The following UGT8 variants were observed in gnomAD, a reference collection of about 807,000 sequenced individuals.
UGT8 encodes 2-hydroxyacylsphingosine 1-beta-galactosyltransferase.
A neutral mutation model predicts 40.5 loss-of-function variants in UGT8; 12 were observed. The ratio of observed to expected loss-of-function variants is 0.30; its 90% confidence interval spans 0.19 to 0.48. UGT8 has a LOEUF of 0.48. Among genes scored for constraint, UGT8 ranks in the 20% least tolerant of loss-of-function variants. The pLI, the probability that UGT8 is intolerant of heterozygous loss-of-function variation, is 0.99. For missense variants in UGT8, 513 were observed against 648.7 expected (o/e 0.79, Z 2.27); for synonymous variants, 224 against 240.4 (o/e 0.93, Z 0.63).
chr4:114,654,373 T>C (rs1303488938), intron 2 of UGT8, among the ~76,000 whole-genome samples: 2 of 151,990 alleles, frequency 1.3e-5, no homozygotes, highest in Non-Finnish European at 2.9e-5. Flanking sequence ...AGAAACCAAA[T>C]GAAGATGCAT....
At chr4:114,635,238 C>G (rs1732817975) in intron 2 of UGT8, among the ~76,000 whole-genome samples, 1 of 151,932 alleles carries the variant, frequency 6.6e-6, no homozygotes, top group African/African-American at 2.4e-5. Context: ...GTAATACCAG[C>G]TACTGAGGAG....
At chr4:114,649,134 T>A (rs1733748773) in intron 2 of UGT8, among the ~76,000 whole-genome samples, 1 of 152,206 alleles carries the variant, frequency 6.6e-6, no homozygotes, top group African/African-American at 2.4e-5. Context: ...TTCTGATCCC[T>A]AGGGTACTAG....
intron 2 of UGT8, among the ~76,000 whole-genome samples, chr4:114,629,034 C>T (rs924159940): frequency 1.3e-5 from 2 of 151,986 alleles, no homozygotes; most frequent in South Asian, 2.1e-4. Context: ...GCTGGTTTCA[C>T]CATTAATGAA....
chr4:114,649,786 TCTAC>T (rs1733792489), intron 2 of UGT8, among the ~76,000 whole-genome samples: 1 of 152,118 alleles, frequency 6.6e-6, no homozygotes, highest in Non-Finnish European at 1.5e-5. Context: ...TCCACAATGA[TCTAC>T]CTATGTTTGT....
chr4:114,660,418 G>T (rs935125589), intron 2 of UGT8, among the ~76,000 whole-genome samples: 1 of 152,068 alleles, frequency 6.6e-6, no homozygotes, highest in African/African-American at 2.4e-5. Flanking sequence ...TTCTTTTCAT[G>T]TTTATGCCAT....
chr4:114,628,144 A>C (rs1040751798), intron 2 of UGT8, among the ~76,000 whole-genome samples: 2 of 150,930 alleles, frequency 1.3e-5, no homozygotes, highest in African/African-American at 2.4e-5. Context: ...TTTTTTTTTT[A>C]ATTTTTATTT....
chr4:114,618,855 C>G (rs1731596547), intron 1 of UGT8, among the ~76,000 whole-genome samples: 1 of 152,050 alleles, frequency 6.6e-6, no homozygotes, highest in African/African-American at 2.4e-5. Flanking sequence ...ATTTTTAACA[C>G]TATTGAATAA....
At chr4:114,672,456 G>A (rs1171742574) in intron 5 of UGT8, among the ~76,000 whole-genome samples, 4 of 152,070 alleles carry the variant, frequency 2.6e-5, no homozygotes, top group Non-Finnish European at 5.9e-5. Context: ...AATAAAATGT[G>A]GTATATATAC....
rs1218854508 is a variant in UGT8, at chr4:114,677,676, C to G, written c.*1388C>G. ...AACTATGAATTTATTCCATGTCATTCTGTTTACTTAGCACTTGCACTACCC... is the reference window on the plus strand; with the variant it reads ...AACTATGAATTTATTCCATGTCATTGTGTTTACTTAGCACTTGCACTACCC... On this transcript the variant is annotated 3_prime_UTR_variant, in exon 6 of 6. Transcript: ENST00000310836. 10 of 152,176 alleles carry G rather than the reference C, an allele frequency of 6.6e-5. No individual in the cohort carries two copies. The highest frequency in any genetic ancestry group is 2.4e-4 in the African/African-American group (10 of 41,436). The allele number at this position is 152,176 out of a possible 1,614,324, so 9.4% of individuals were successfully genotyped here.
intron 5 of UGT8, among the ~76,000 whole-genome samples, chr4:114,673,351 C>T (rs1467739268): frequency 6.6e-6 from 1 of 152,148 alleles, no homozygotes; most frequent in Non-Finnish European, 1.5e-5. Flanking sequence ...TCCAGTTGAT[C>T]CATGGACCTC....
In UGT8 at chr4:114,658,706, TA is replaced by T. The variant is rs34900611; in HGVS notation, c.823-5280del. The stretch of plus-strand genomic sequence containing the variant: ...TGTGTTTTACATTGGCCACAATGAA[TA>T]AAAAAAAATTGTTTATTTTCGGATA... On this transcript the variant is annotated intron_variant, in intron 2 of 5. Coordinates refer to ENST00000310836, the MANE Select transcript of UGT8 (RefSeq NM_001128174.3). Among the ~76,000 whole-genome samples the T allele has an allele frequency of 6.1e-3, 924 of 151,448 alleles. 5 individuals are homozygous for T. Among genetic ancestry groups the T allele is most frequent in the Non-Finnish European group, 9.9e-3 (670 of 67,844 alleles).
intron 1 of UGT8, among the ~76,000 whole-genome samples, chr4:114,606,509 G>A (rs1361902277): frequency 2.0e-5 from 3 of 152,178 alleles, no homozygotes; most frequent in African/African-American, 7.2e-5. Context: ...CTGGGGAGTA[G>A]CTCTTAGGGG....
At chr4:114,672,293 AT>A (rs1418956828) in intron 5 of UGT8, among the ~76,000 whole-genome samples, 1 of 152,222 alleles carries the variant, frequency 6.6e-6, no homozygotes, top group Middle Eastern at 3.2e-3. Flanking sequence ...CAGAAGTACC[AT>A]TTGACCCAGC....
intron 2 of UGT8, among the ~76,000 whole-genome samples, chr4:114,627,012 A>G (rs1732268643): frequency 6.6e-6 from 1 of 152,184 alleles, no homozygotes; most frequent in South Asian, 2.1e-4. Context: ...AGTAGAAATC[A>G]TTTTAAAATC....
intron 4 of UGT8, 119 bp from the exon 5 acceptor site, chr4:114,667,966 A>G: frequency 2.1e-6 from 3 of 1,456,334 alleles, no homozygotes; most frequent in Non-Finnish European, 2.7e-6. Context: ...TTACACCTTT[A>G]GGAATCCTTT....
chr4:114,626,787 A>G (rs762924240), intron 2 of UGT8, among the ~76,000 whole-genome samples: 11 of 152,198 alleles, frequency 7.2e-5, no homozygotes, highest in South Asian at 2.1e-4. Context: ...CTTACTTACA[A>G]TTGTGTATAA....
intron 1 of UGT8, among the ~76,000 whole-genome samples, chr4:114,599,547 G>A (rs1423380373): frequency 1.3e-5 from 2 of 152,200 alleles, no homozygotes. Context: ...GACTTTTCGG[G>A]GCCCGCCGTT....
chr4:114,618,277 A>G (rs1346752137), intron 1 of UGT8, among the ~76,000 whole-genome samples: 1 of 152,222 alleles, frequency 6.6e-6, no homozygotes, highest in East Asian at 1.9e-4. Context: ...GTATCTCTGT[A>G]GTGTTATAAA....
At chr4:114,654,353 C>T (rs1170844301) in intron 2 of UGT8, among the ~76,000 whole-genome samples, 1 of 151,966 alleles carries the variant, frequency 6.6e-6, no homozygotes, top group Non-Finnish European at 1.5e-5. Flanking sequence ...CCATTTATGA[C>T]TCTTGAGAAA....
Sources: allele counts gnomAD v4.1 joint callset (sites outside exome capture counted in the v4.1 genomes callset), GRCh38; gene constraint gnomAD v4.1.1; transcripts MANE v1.5; gene names NCBI Gene and HGNC (gene_info 2026-07-23, HGNC 2026-07-21).